TXNRD2: variants seen among roughly 807,000 people sequenced by gnomAD.
The protein encoded by TXNRD2 is thioredoxin reductase 2, also known as thioredoxin reductase 2, mitochondrial.
Under a neutral mutation model 70.8 loss-of-function variants are expected in TXNRD2, and 67 were observed. The observed-to-expected ratio is 0.95, with a 90% CI of 0.78 to 1.16. The LOEUF is 1.16. Among genes scored for constraint, TXNRD2 ranks in the 50% most tolerant of loss-of-function variants. TXNRD2 has a pLI of 0.00. For synonymous variants in TXNRD2, 301 were observed against 295.8 expected (o/e 1.02, Z -0.18); for missense variants, 644 against 719.9 (o/e 0.89, Z 1.21).
chr22:19,887,041 T>C (rs1224662609), intron 11 of TXNRD2, among the ~76,000 whole-genome samples: 3 of 152,244 alleles, frequency 2.0e-5, no homozygotes, highest in African/African-American at 7.2e-5. Context: ...CATGCTGCTT[T>C]AATTTGCACT....
At chr22:19,915,140 T>C in intron 7 of TXNRD2, 74 bp downstream of exon 7, 1 of 1,399,794 alleles carries the variant, frequency 7.1e-7, no homozygotes, top group Non-Finnish European at 1.0e-6. Flanking sequence ...GAAGCACGTG[T>C]GTAAAAACGT....
At chr22:19,883,711 T>C in intron 11 of TXNRD2, 1 of 493,848 alleles carries the variant, frequency 2.0e-6, no homozygotes, top group Non-Finnish European at 3.7e-6. Context: ...CCCAACACTT[T>C]GGGAGGCCGA....
chr22:19,911,488 T>C (rs1395671556), intron 7 of TXNRD2, 41 bp from the exon 8 acceptor site: 1 of 1,528,730 alleles, frequency 6.5e-7, no homozygotes, highest in Admixed American at 1.7e-5. Flanking sequence ...GAGCTCCATT[T>C]GGCCTGTCCT....
chr22:19,918,648 C>T (rs528125520), intron 4 of TXNRD2, among the ~76,000 whole-genome samples: 5 of 152,192 alleles, frequency 3.3e-5, no homozygotes, highest in Non-Finnish European at 7.4e-5. Flanking sequence ...CTGGGCTCCC[C>T]GCAAAGGGGA....
intron 1 of TXNRD2, among the ~76,000 whole-genome samples, chr22:19,934,382 G>GA (rs35669821): frequency 0.075 from 7,015 of 93,706 alleles, 591 homozygotes; most frequent in African/African-American, 0.21. Flanking sequence ...CTCTGTCTCA[G>GA]AAAAAAAAAA....
intron 1 of TXNRD2, among the ~76,000 whole-genome samples, chr22:19,937,014 G>A (rs1437928798): frequency 6.6e-6 from 1 of 152,138 alleles, no homozygotes; most frequent in Admixed American, 6.6e-5. Flanking sequence ...TACTCAGTAT[G>A]TTCCTACTTC....
At chr22:19,910,934 A>G (rs55887811) in intron 8 of TXNRD2, 9,038 of 280,164 alleles carry the variant, frequency 0.032, 249 homozygotes, top group South Asian at 0.073. Flanking sequence ...AATTAGCCAG[A>G]TGTGGTGGTG....
At chr22:19,906,446 G>A (rs962777019) in intron 8 of TXNRD2, among the ~76,000 whole-genome samples, 1 of 152,036 alleles carries the variant, frequency 6.6e-6, no homozygotes, top group Non-Finnish European at 1.5e-5. Flanking sequence ...GCCACATAGC[G>A]AGTCCTTGCC....
chr22:19,878,210 A>G, intron 15 of TXNRD2, 23 bp from the exon 16 acceptor site: 1 of 1,610,042 alleles, frequency 6.2e-7, no homozygotes, highest in Non-Finnish European at 8.5e-7. Context: ...CATCTCAGCC[A>G]CCAGCCCAGG....
chr22:19,891,083 G>A (rs1468724059), intron 11 of TXNRD2, among the ~76,000 whole-genome samples: 1 of 152,250 alleles, frequency 6.6e-6, no homozygotes, highest in African/African-American at 2.4e-5. Context: ...CTCCATGCAT[G>A]TTGTGTTTCA....
In TXNRD2 at chr22:19,878,189, T is replaced by C. The variant is rs768600057; in HGVS notation, c.1348-2A>G. The C allele has an allele frequency of 6.2e-6, 10 of 1,612,644 alleles. No homozygotes were observed. In the African/African-American group the frequency reaches 1.2e-4, roughly 19 times the overall value. ...TGGGGGCTCCCTCAGGCACACCATC[T>C]GAAAGCCGCACATCTCAGCCACCAG... On this transcript the variant is annotated splice_acceptor_variant, in intron 15 of 17. Coordinates refer to ENST00000400521, the MANE Select transcript of TXNRD2 (RefSeq NM_006440.5). LOFTEE classifies it high-confidence loss of function.
At chr22:19,877,775 C>A (rs1005626964) in intron 16 of TXNRD2, among the ~76,000 whole-genome samples, 1 of 152,228 alleles carries the variant, frequency 6.6e-6, no homozygotes, top group African/African-American at 2.4e-5. Context: ...CCTGGGGTGG[C>A]TCTCCAGGTA....
rs1172137296 is a variant in TXNRD2 at position 19,875,545 on chromosome 22, T to C, written c.*328A>G. Reference sequence around the variant, plus strand: ...ACTTCAGAAAAAGTACCCTCTTTATTTGCATTGCAGAAATGCCAGGGGGCT... The same window carrying C: ...ACTTCAGAAAAAGTACCCTCTTTATCTGCATTGCAGAAATGCCAGGGGGCT... On this transcript the variant is annotated 3_prime_UTR_variant, in exon 18 of 18. Transcript: ENST00000400521. The C allele has an allele frequency of 1.3e-5, 2 of 152,226 alleles. No homozygotes were observed. Among genetic ancestry groups the C allele is most frequent in the Non-Finnish European group, 2.9e-5 (2 of 68,056 alleles). 9.4% of individuals were successfully genotyped at this position (152,226 alleles called of 1,614,324 possible). A position where few individuals can be genotyped will look rare whatever the true frequency, so the allele number is the denominator to read the frequency against.
intron 2 of TXNRD2, among the ~76,000 whole-genome samples, chr22:19,923,577 A>G (rs1360673976): frequency 2.0e-5 from 3 of 152,204 alleles, no homozygotes; most frequent in Admixed American, 6.5e-5. Flanking sequence ...ACCTGAGGTC[A>G]GGAGTTCGAG....
chr22:19,921,949 C>T (rs181694212), intron 2 of TXNRD2, among the ~76,000 whole-genome samples: 15 of 152,300 alleles, frequency 9.8e-5, no homozygotes, highest in Admixed American at 4.6e-4. Flanking sequence ...CTAGACTGGG[C>T]ACTGCTCCAT....
At position 19,919,544 on chromosome 22, in the gene TXNRD2, T is replaced by C; in HGVS notation, c.228A>G (p.Gln76=). ...AVVDYVEPSP[Q]GTRWGLGGTC... Reference sequence around the variant, plus strand: ...CGGCTCCCATAGGGTGCTGCCTACCTTGGGGAGAAGGTTCCACGTAGTCCA... The same window carrying C: ...CGGCTCCCATAGGGTGCTGCCTACCCTGGGGAGAAGGTTCCACGTAGTCCA... The change falls in exon 3 of 18, where the codon CAA becomes CAG. Residue 76 remains glutamine, a splice_region_variant and synonymous_variant. Coordinates refer to ENST00000400521, the MANE Select transcript of TXNRD2 (RefSeq NM_006440.5). 1 of 1,559,716 alleles carries C rather than the reference T, an allele frequency of 6.4e-7. No individual in the cohort carries two copies. Among genetic ancestry groups the C allele is most frequent in the Non-Finnish European group, 8.7e-7 (1 of 1,152,314 alleles).
intron 8 of TXNRD2, among the ~76,000 whole-genome samples, chr22:19,905,058 C>T (rs987820202): frequency 2.0e-5 from 3 of 152,150 alleles, no homozygotes; most frequent in African/African-American, 7.2e-5. Context: ...GTAGACCCTC[C>T]GGGCTTATTT....
chr22:19,897,839 C>T (rs530571857), intron 10 of TXNRD2, among the ~76,000 whole-genome samples, 200 bp downstream of exon 10: 11 of 152,352 alleles, frequency 7.2e-5, no homozygotes, highest in African/African-American at 1.9e-4. Flanking sequence ...TGCAGCTGTG[C>T]GCCCCACTGC....
intron 14 of TXNRD2, 115 bp from the exon 15 acceptor site, chr22:19,878,552 T>C: frequency 9.9e-7 from 1 of 1,007,318 alleles, no homozygotes. Context: ...GAACCATCCA[T>C]CTGGCCTGAA....
Sources: gnomAD v4.1 joint callset for allele counts (sites outside exome capture counted in the v4.1 genomes callset) on GRCh38, gnomAD v4.1.1 for gene constraint, MANE v1.5 for transcripts, NCBI Gene and HGNC (gene_info 2026-07-23, HGNC 2026-07-21) for gene names.